MBNL1: variants seen among roughly 807,000 people sequenced by gnomAD.
MBNL1 encodes the protein muscleblind like splicing regulator 1, also known as muscleblind-like protein 1.
A neutral mutation model predicts 42.2 loss-of-function variants in MBNL1; 8 were observed. The observed-to-expected ratio is 0.19, with a 90% CI of 0.11 to 0.34. The LOEUF (loss-of-function observed/expected upper bound fraction) is 0.34, where lower values mean the gene tolerates loss of function less well. Among genes scored for constraint, MBNL1 ranks in the 10% least tolerant of loss-of-function variants. MBNL1 has a pLI of 1.00. For missense variants in MBNL1, 309 were observed against 495.3 expected, an observed-to-expected ratio of 0.62 and a Z score of 3.57; for synonymous variants, 169 against 173.9, an observed-to-expected ratio of 0.97 and a Z score of 0.22.
intron 1 of MBNL1, 36 bp from the exon 2 acceptor site, chr3:152,299,369 A>G (rs572139184): frequency 1.3e-5 from 3 of 231,828 alleles, no homozygotes; most frequent in South Asian, 1.8e-4. Flanking sequence ...GTGAAGTGCT[A>G]CTTAGTAAAT....
intron 3 of MBNL1, among the ~76,000 whole-genome samples, chr3:152,427,643 G>A (rs1305224995): frequency 6.6e-6 from 1 of 152,058 alleles, no homozygotes; most frequent in Non-Finnish European, 1.5e-5. Flanking sequence ...AAATAGTTCA[G>A]TGAGACTAGT....
chr3:152,385,302 G>T (rs1305157668), intron 2 of MBNL1, among the ~76,000 whole-genome samples: 1 of 151,986 alleles, frequency 6.6e-6, no homozygotes, highest in African/African-American at 2.4e-5. Flanking sequence ...AATCCTCTCT[G>T]AGAGTGGGGA....
chr3:152,328,045 C>T (rs2081576613), intron 2 of MBNL1, among the ~76,000 whole-genome samples: 1 of 151,862 alleles, frequency 6.6e-6, no homozygotes, highest in East Asian at 1.9e-4. Flanking sequence ...TTATAAGATC[C>T]TGTGCTATTT....
At chr3:152,435,713 T>A (rs903439843) in intron 4 of MBNL1, among the ~76,000 whole-genome samples, 19 of 152,212 alleles carry the variant, frequency 1.2e-4, no homozygotes, top group Non-Finnish European at 7.4e-5. Flanking sequence ...CATCCATGAT[T>A]TCTTTGAGGA....
intron 2 of MBNL1, among the ~76,000 whole-genome samples, chr3:152,248,870 TG>T (rs1181460499): frequency 4.6e-5 from 7 of 152,062 alleles, no homozygotes; most frequent in Admixed American, 4.6e-4. Flanking sequence ...ATGCAGTGTT[TG>T]GTTTTTTGTT....
At chr3:152,257,611 AT>A (rs941290945) in intron 2 of MBNL1, among the ~76,000 whole-genome samples, 4 of 152,172 alleles carry the variant, frequency 2.6e-5, no homozygotes, top group Non-Finnish European at 5.9e-5. Context: ...CATAATCATT[AT>A]TTTCTCCTCT....
chr3:152,369,169 T>G (rs2096554282), intron 2 of MBNL1, among the ~76,000 whole-genome samples: 1 of 152,194 alleles, frequency 6.6e-6, no homozygotes, highest in Admixed American at 6.5e-5. Flanking sequence ...GCTCTTATTA[T>G]TTTGAGATAC....
intron 2 of MBNL1, among the ~76,000 whole-genome samples, chr3:152,245,299 TC>T (rs2032641691): frequency 6.6e-6 from 1 of 152,170 alleles, no homozygotes; most frequent in South Asian, 2.1e-4. Context: ...TTTTAAATCT[TC>T]CTTTTAAAAG....
chr3:152,309,515 A>T (rs1348566504), intron 2 of MBNL1, among the ~76,000 whole-genome samples: 1 of 152,236 alleles, frequency 6.6e-6, no homozygotes, highest in Non-Finnish European at 1.5e-5. Context: ...TCTCAGAATC[A>T]CTTATACTTA....
intron 2 of MBNL1, among the ~76,000 whole-genome samples, chr3:152,375,856 T>A (rs1430456526): frequency 6.6e-6 from 1 of 152,066 alleles, no homozygotes; most frequent in Non-Finnish European, 1.5e-5. Context: ...AATTTCTATA[T>A]CTTTTTCCAT....
chr3:152,308,818 TG>T (rs1441298262), intron 2 of MBNL1, among the ~76,000 whole-genome samples: 3 of 151,982 alleles, frequency 2.0e-5, no homozygotes, highest in Non-Finnish European at 4.4e-5. Context: ...TGTTTTGTTT[TG>T]TTTTTTTTTT....
chr3:152,426,707 A>C (rs1019107972), intron 3 of MBNL1, among the ~76,000 whole-genome samples: 1 of 152,242 alleles, frequency 6.6e-6, no homozygotes, highest in African/African-American at 2.4e-5. Context: ...TTGGCTATCT[A>C]TAATTTGTGA....
chr3:152,276,635 G>T (rs149156037), intron 1 of MBNL1, among the ~76,000 whole-genome samples: 1 of 152,220 alleles, frequency 6.6e-6, no homozygotes, highest in East Asian at 1.9e-4. Context: ...AAAAGGCCTG[G>T]GGTGAGGGGT....
chr3:152,430,782 A>G (rs1406880353), intron 3 of MBNL1, among the ~76,000 whole-genome samples: 1 of 152,152 alleles, frequency 6.6e-6, no homozygotes, highest in Non-Finnish European at 1.5e-5. Context: ...GCTTGTTGAT[A>G]AGATTTGGAA....
chr3:152,397,052 T>A (rs983640382), intron 2 of MBNL1, among the ~76,000 whole-genome samples: 1 of 152,124 alleles, frequency 6.6e-6, no homozygotes, highest in Non-Finnish European at 1.5e-5. Flanking sequence ...AGAGAAAATA[T>A]AATAATGCAA....
chr3:152,289,445 A>G (rs1470470825), intron 1 of MBNL1, among the ~76,000 whole-genome samples: 1 of 152,110 alleles, frequency 6.6e-6, no homozygotes, highest in Non-Finnish European at 1.5e-5. Context: ...CATTGAAGTG[A>G]AAATAGGAGT....
chr3:152,435,552 A>G (rs2099067834), intron 4 of MBNL1, among the ~76,000 whole-genome samples: 2 of 151,968 alleles, frequency 1.3e-5, no homozygotes, highest in Admixed American at 1.3e-4. Flanking sequence ...GAATTTTTAA[A>G]TAGTTTTTTT....
At chr3:152,411,976 T>C (rs1229209182) in intron 2 of MBNL1, among the ~76,000 whole-genome samples, 1 of 152,140 alleles carries the variant, frequency 6.6e-6, no homozygotes, top group African/African-American at 2.4e-5. Flanking sequence ...CTTGAGGCAT[T>C]TAGTAAGAAA....
chr3:152,454,498 A>G (rs551170681), intron 6 of MBNL1, among the ~76,000 whole-genome samples: 1 of 152,352 alleles, frequency 6.6e-6, no homozygotes, highest in South Asian at 2.1e-4. Flanking sequence ...ATCCCATAGA[A>G]AGAACAGTAG....
Sources: gnomAD v4.1 joint callset for allele counts (sites outside exome capture counted in the v4.1 genomes callset) on GRCh38, gnomAD v4.1.1 for gene constraint, MANE v1.5 for transcripts, NCBI Gene and HGNC (gene_info 2026-07-23, HGNC 2026-07-21) for gene names.